SRGAP3: variants seen among roughly 807,000 people sequenced by gnomAD.
The protein encoded by SRGAP3 is SLIT-ROBO Rho GTPase-activating protein 3.
Under a neutral mutation model 121.1 loss-of-function variants are expected in SRGAP3, and 39 were observed. The ratio of observed to expected loss-of-function variants is 0.32; its 90% CI spans 0.25 to 0.42. The LOEUF is 0.42. Among genes scored for constraint, SRGAP3 ranks in the 10% least tolerant of loss-of-function variants. SRGAP3 has a pLI of 1.00. For missense variants in SRGAP3, 1,213 were observed against 1,470.6 expected, an observed-to-expected ratio of 0.82 and a Z score of 2.86; for synonymous variants, 601 against 570.0, an observed-to-expected ratio of 1.05 and a Z score of -0.77.
In SRGAP3 at chr3:8,986,039, C is replaced by G; in HGVS notation, c.2887-107G>C. On this transcript the variant is annotated intron_variant, in intron 21 of 21. Coordinates refer to ENST00000383836, the MANE Select transcript of SRGAP3 (RefSeq NM_014850.4). Reference sequence around the variant, plus strand: ...GTAGGCAGGTTCCCCAGAAGCCTCGCGGCAGGGATGGAGATTAAGTCCTCA... The same window carrying G: ...GTAGGCAGGTTCCCCAGAAGCCTCGGGGCAGGGATGGAGATTAAGTCCTCA... The G allele has an allele frequency of 1.9e-6, 3 of 1,564,586 alleles. No individual in the cohort carries two copies. In the South Asian group the frequency reaches 3.5e-5, roughly 18 times the overall value.
intron 1 of SRGAP3, among the ~76,000 whole-genome samples, chr3:9,213,414 G>C (rs1952511395): frequency 6.6e-6 from 1 of 152,022 alleles, no homozygotes; most frequent in South Asian, 2.1e-4. Flanking sequence ...AGAGCAAAGG[G>C]GAAACACAAG....
intron 11 of SRGAP3, among the ~76,000 whole-genome samples, chr3:9,033,018 G>A (rs1944570346): frequency 6.6e-6 from 1 of 152,142 alleles, no homozygotes; most frequent in Non-Finnish European, 1.5e-5. Context: ...TAGTACATGT[G>A]CAAGAAACCA....
rs555801386 is a variant in SRGAP3 at position 9,202,208 on chromosome 3, T to C, written c.67+46677A>G. ...TGAAATGTATCCATAGAAACAGCTA[T>C]GGCGGGAGCAGCAGCCAAATTAGCT... On this transcript the variant is annotated intron_variant, in intron 1 of 21. Transcript: ENST00000383836. 4.6e-5 allele frequency among the ~76,000 whole-genome samples: 7 copies of C among 152,330 alleles called. No individual in the cohort carries two copies. The South Asian group carries it at 6.2e-4, about 14-fold the overall frequency.
chr3:9,339,327 C>T (rs1263182606), intron 1 of SRGAP3, among the ~76,000 whole-genome samples: 1 of 152,220 alleles, frequency 6.6e-6, no homozygotes, highest in Non-Finnish European at 1.5e-5. Flanking sequence ...GCAAAAGAAG[C>T]AGGCATGGTC....
intron 1 of SRGAP3, among the ~76,000 whole-genome samples, chr3:9,360,337 C>T (rs529079058): frequency 6.6e-5 from 10 of 152,272 alleles, no homozygotes; most frequent in Non-Finnish European, 8.8e-5. Flanking sequence ...ACCCACCATA[C>T]GCAGAAAATA....
intron 8 of SRGAP3, among the ~76,000 whole-genome samples, chr3:9,054,193 AC>A (rs1484444539): frequency 6.6e-6 from 1 of 152,166 alleles, no homozygotes; most frequent in Non-Finnish European, 1.5e-5. Flanking sequence ...TCCAAAGTTA[AC>A]CTGAAAAACT....
At chr3:9,027,200 T>C (rs759819283) in intron 12 of SRGAP3, among the ~76,000 whole-genome samples, 2 of 152,332 alleles carry the variant, frequency 1.3e-5, no homozygotes, top group South Asian at 2.1e-4. Flanking sequence ...GGCATAGCTA[T>C]GATTATTTTA....
At chr3:8,987,321 C>T (rs1468093953) in intron 21 of SRGAP3, among the ~76,000 whole-genome samples, 3 of 152,162 alleles carry the variant, frequency 2.0e-5, no homozygotes, top group Non-Finnish European at 2.9e-5. Flanking sequence ...ATCGAGGGCA[C>T]CATGAGGGAT....
intron 18 of SRGAP3, among the ~76,000 whole-genome samples, chr3:9,005,588 C>T (rs1943024799): frequency 6.6e-6 from 1 of 152,194 alleles, no homozygotes; most frequent in African/African-American, 2.4e-5. Context: ...GAATATTATT[C>T]AGCCATCAAA....
chr3:9,230,069 C>T (rs1474004965), intron 1 of SRGAP3, among the ~76,000 whole-genome samples: 1 of 152,218 alleles, frequency 6.6e-6, no homozygotes. Context: ...AACCCAGACT[C>T]CAGAGCCTGC....
rs1408395135 is a variant in SRGAP3, at chr3:8,985,314, T to G, written c.*205A>C. On this transcript the variant is annotated 3_prime_UTR_variant, in exon 22 of 22. Transcript: ENST00000383836. This position sits in a 1 kb window ranked among gnomAD's most constrained non-coding sequence, Gnocchi z 5.1. Reference sequence around the variant, plus strand: ...CTCCAGCACTCCTCTGGTCGTCTGTTGACACGCGAGAGGTCCGTGGGATTC... The same window carrying G: ...CTCCAGCACTCCTCTGGTCGTCTGTGGACACGCGAGAGGTCCGTGGGATTC... 11 of 1,165,790 alleles carry G rather than the reference T, an allele frequency of 9.4e-6. No individual in the cohort carries two copies. Among genetic ancestry groups the G allele is most frequent in the Non-Finnish European group, 1.3e-5 (11 of 867,944 alleles). 72.2% of individuals were successfully genotyped at this position (1,165,790 alleles called of 1,614,324 possible).
intron 13 of SRGAP3, 102 bp downstream of exon 13, chr3:9,026,833 A>G (rs1944231050): frequency 7.7e-7 from 1 of 1,291,954 alleles, no homozygotes; most frequent in African/African-American, 1.5e-5. Flanking sequence ...CAGAGCTGTG[A>G]CGGGAAGTCT....
intron 3 of SRGAP3, among the ~76,000 whole-genome samples, chr3:9,270,689 G>T (rs1954456493): frequency 6.6e-6 from 1 of 152,180 alleles, no homozygotes. Flanking sequence ...TAAAATTGAT[G>T]AGTACAGATG....
chr3:9,262,092 T>A (rs917306948), intron 3 of SRGAP3, among the ~76,000 whole-genome samples: 16 of 152,012 alleles, frequency 1.1e-4, no homozygotes, highest in Admixed American at 9.8e-4. Context: ...AACCCAGAAT[T>A]TCATATCCAG....
rs1006499321 is a variant in SRGAP3 at position 9,224,364 on chromosome 3, A to T, written c.67+24521T>A. On this transcript the variant is annotated intron_variant, in intron 1 of 21. Transcript: ENST00000383836. ...AAGGGAATAGAGGGAGGAAAGTGTG[A>T]AGGGAGATGGACGTGTGGGAACACC... is the stretch of plus-strand genomic sequence containing the variant. Among the ~76,000 whole-genome samples, 12 of 152,292 alleles carry T rather than the reference A, an allele frequency of 7.9e-5. 1 individual carries two copies. The East Asian group carries it at 2.3e-3, about 29-fold the overall frequency.
intron 10 of SRGAP3, among the ~76,000 whole-genome samples, chr3:9,046,533 G>A (rs1012040181): frequency 6.6e-6 from 1 of 152,236 alleles, no homozygotes; most frequent in Non-Finnish European, 1.5e-5. Flanking sequence ...CGTGACAGCA[G>A]CTGGGATTTT....
At chr3:9,203,214 C>T (rs1489414641) in intron 1 of SRGAP3, among the ~76,000 whole-genome samples, 2 of 152,224 alleles carry the variant, frequency 1.3e-5, no homozygotes, top group Non-Finnish European at 2.9e-5. Context: ...TATGTCCCTG[C>T]AGCTGCAGCT....
chr3:9,042,619 G>C (rs1945074635), intron 10 of SRGAP3, among the ~76,000 whole-genome samples: 1 of 152,166 alleles, frequency 6.6e-6, no homozygotes, highest in Non-Finnish European at 1.5e-5. Context: ...ACCAAAGCAG[G>C]AAAGGAGAAA....
intron 1 of SRGAP3, among the ~76,000 whole-genome samples, chr3:9,165,918 A>G (rs920852161): frequency 6.6e-6 from 1 of 152,328 alleles, no homozygotes; most frequent in Middle Eastern, 3.4e-3. Flanking sequence ...TTGTAATCAT[A>G]CATCTTATAT....
Sources: allele counts gnomAD v4.1 joint callset (sites outside exome capture counted in the v4.1 genomes callset), GRCh38; gene constraint gnomAD v4.1.1; non-coding constraint Gnocchi (gnomAD v3.1); transcripts MANE v1.5; gene names NCBI Gene and HGNC (gene_info 2026-07-23, HGNC 2026-07-21).